ECSIT: variants seen among roughly 807,000 people sequenced by gnomAD.
The protein encoded by ECSIT is evolutionarily conserved signaling intermediate in Toll pathway, mitochondrial.
In ECSIT, 29 loss-of-function variants were observed where a neutral mutation model predicts 36.8. The ratio of observed to expected loss-of-function variants is 0.79; its 90% CI spans 0.59 to 1.08. ECSIT has a LOEUF of 1.08. ECSIT is among the 50% of genes least tolerant of loss of function. ECSIT has a pLI of 0.00. For synonymous variants in ECSIT, 231 were observed against 234.8 expected, an observed-to-expected ratio of 0.98 and a Z score of 0.15; for missense variants, 542 against 581.0, an observed-to-expected ratio of 0.93 and a Z score of 0.69.
intron 1 of ECSIT, among the ~76,000 whole-genome samples, chr19:11,527,937 T>G (rs1972248819): frequency 6.6e-6 from 1 of 152,092 alleles, no homozygotes; most frequent in Non-Finnish European, 1.5e-5. Context: ...GAGGCTGCAG[T>G]GAGCTATGGA....
chr19:11,524,626 G>A (rs10422292), intron 1 of ECSIT, among the ~76,000 whole-genome samples: 4,624 of 150,900 alleles, frequency 0.031, 214 homozygotes, highest in African/African-American at 0.099. Flanking sequence ...ACTTGAGCCC[G>A]GGAGATCAAG....
chr19:11,518,126 A>T (rs976912616), intron 2 of ECSIT, among the ~76,000 whole-genome samples: 4 of 143,744 alleles, frequency 2.8e-5, no homozygotes, highest in African/African-American at 1.0e-4. Flanking sequence ...CCATATACTT[A>T]AAAAAAAAAA....
At chr19:11,509,021 T>A (rs1335489898) in intron 4 of ECSIT, among the ~76,000 whole-genome samples, 1 of 152,158 alleles carries the variant, frequency 6.6e-6, no homozygotes, top group Non-Finnish European at 1.5e-5. Flanking sequence ...ATACCTTTTT[T>A]ATCTTTTAAA....
At chr19:11,512,976 TGA>T in intron 4 of ECSIT, 78 bp downstream of exon 4, 7 of 1,363,756 alleles carry the variant, frequency 5.1e-6, no homozygotes, top group Non-Finnish European at 7.3e-6. Context: ...ATCACTAGAG[TGA>T]GAGAAGGGGA....
intron 1 of ECSIT, among the ~76,000 whole-genome samples, chr19:11,521,005 C>T (rs1972091884): frequency 6.6e-6 from 1 of 152,078 alleles, no homozygotes; most frequent in South Asian, 2.1e-4. Flanking sequence ...AGGGTTTCAC[C>T]ATGTTGGCCA....
intron 4 of ECSIT, 49 bp from the exon 5 acceptor site, chr19:11,508,097 G>A (rs778549859): frequency 2.5e-6 from 4 of 1,602,976 alleles, no homozygotes; most frequent in Admixed American, 1.7e-5. Flanking sequence ...ATCCCCTACA[G>A]AGGAACTGGG....
intron 2 of ECSIT, chr19:11,516,437 T>C (rs1049204038): frequency 3.9e-5 from 6 of 152,034 alleles, no homozygotes; most frequent in African/African-American, 9.7e-5. Context: ...TGTGCTTTGA[T>C]TGCACCACCG....
intron 2 of ECSIT, among the ~76,000 whole-genome samples, chr19:11,515,575 G>A (rs1384617365): frequency 6.6e-6 from 1 of 151,950 alleles, no homozygotes; most frequent in East Asian, 1.9e-4. Flanking sequence ...TCCTGCCTCA[G>A]CCTCCCAAGT....
Position 11,506,239 on chromosome 19 carries a change from T to G in ECSIT, c.1241A>C (p.Glu414Ala), listed in dbSNP as rs1457969664. Reference sequence around the variant, plus strand: ...GTTGTCGTCTTCTTCCTGGTGGTCCTCGGGCAGGGGCGGCTCCTCCAGCCC... The same window carrying G: ...GTTGTCGTCTTCTTCCTGGTGGTCCGCGGGCAGGGGCGGCTCCTCCAGCCC... ...SAGLEEPPLP[E>A]DHQEEDDNLQ... is the part of the protein sequence containing the mutation. The change falls in exon 8 of 8, where the codon GAG becomes GCG. Residue 414 changes from glutamate to alanine, a missense_variant. Glu to Ala is a moderately radical substitution (Grantham distance 107, BLOSUM62 -1). Transcript: ENST00000270517. 1.9e-6 allele frequency: 3 copies of G among 1,609,688 alleles called. No individual in the cohort carries two copies. Among genetic ancestry groups the G allele is most frequent in the Non-Finnish European group, 1.7e-6 (2 of 1,179,874 alleles).
intron 1 of ECSIT, among the ~76,000 whole-genome samples, chr19:11,524,468 G>A (rs949256626): frequency 1.3e-5 from 2 of 151,998 alleles, no homozygotes; most frequent in South Asian, 4.2e-4. Context: ...TTTACAGTCA[G>A]CCGAGATTGC....
chr19:11,507,186 C>T (rs1457402974), intron 7 of ECSIT, among the ~76,000 whole-genome samples: 2 of 151,864 alleles, frequency 1.3e-5, no homozygotes, highest in Non-Finnish European at 1.5e-5. Flanking sequence ...AAGTGGACTG[C>T]GTCTCAGCCT....
At chr19:11,514,971 C>G (rs1971960089) in intron 2 of ECSIT, among the ~76,000 whole-genome samples, 1 of 151,290 alleles carries the variant, frequency 6.6e-6, no homozygotes, top group Admixed American at 6.6e-5. Flanking sequence ...CCCAAGTAAG[C>G]TGGACTACAG....
At chr19:11,520,414 C>T (rs1008018450) in intron 1 of ECSIT, among the ~76,000 whole-genome samples, 25 of 152,230 alleles carry the variant, frequency 1.6e-4, no homozygotes, top group Non-Finnish European at 2.9e-4. Flanking sequence ...TCAAGTGATC[C>T]GCCAGCCTCA....
intron 4 of ECSIT, among the ~76,000 whole-genome samples, chr19:11,511,757 G>A (rs118002989): frequency 1.3e-5 from 2 of 152,190 alleles, no homozygotes; most frequent in East Asian, 3.9e-4. Flanking sequence ...GGTCTTGGCC[G>A]GGCACAGTGG....
rs546110391 is a variant in ECSIT, at chr19:11,512,653, G to T, written c.738+403C>A. Among the ~76,000 whole-genome samples the T allele has an allele frequency of 5.3e-5, 8 of 152,140 alleles. No individual in the cohort carries two copies. In the East Asian group the frequency reaches 1.6e-3, roughly 30 times the overall value. On this transcript the variant is annotated intron_variant, in intron 4 of 7. Coordinates refer to ENST00000270517, the MANE Select transcript of ECSIT (RefSeq NM_016581.5). ...GCCAGAGAATCAGAACTCAATTCAC[G>T]GCCAGGCACAGTGCCTCATGCCTGT...
intron 1 of ECSIT, among the ~76,000 whole-genome samples, chr19:11,520,842 G>C (rs1972088602): frequency 6.7e-6 from 1 of 149,222 alleles, no homozygotes; most frequent in African/African-American, 2.5e-5. Flanking sequence ...TTTCATTCTT[G>C]TTGCCCAGGC....
At chr19:11,522,223 T>C in intron 1 of ECSIT, 1 of 574,776 alleles carries the variant, frequency 1.7e-6, no homozygotes, top group Non-Finnish European at 3.1e-6. Context: ...CGCTACAAAC[T>C]CCCAGAGCAG....
chr19:11,512,991 C>T lies in ECSIT; in HGVS notation c.738+65G>A, dbSNP rs1971901894. 2.7e-6 allele frequency: 4 copies of T among 1,494,756 alleles called. No individual in the cohort carries two copies. The Admixed American group carries it at 6.7e-5, about 25-fold the overall frequency. 92.6% of individuals were successfully genotyped at this position (1,494,756 alleles called of 1,614,324 possible). On this transcript the variant is annotated intron_variant, in intron 4 of 7. Transcript: ENST00000270517. ...ATCACTAGAGTGAGAGAAGGGGAGCCCAGGGGAGGAATGGCGGGAGCCTGG... is the reference window on the plus strand; with the variant it reads ...ATCACTAGAGTGAGAGAAGGGGAGCTCAGGGGAGGAATGGCGGGAGCCTGG...
chr19:11,520,375 T>C (rs532676439), intron 1 of ECSIT, among the ~76,000 whole-genome samples: 6 of 152,242 alleles, frequency 3.9e-5, no homozygotes, highest in Admixed American at 1.3e-4. Context: ...TTTTATCACG[T>C]TGGCCAGGCT....
Sources: allele counts gnomAD v4.1 joint callset (sites outside exome capture counted in the v4.1 genomes callset), GRCh38; gene constraint gnomAD v4.1.1; transcripts MANE v1.5; gene names NCBI Gene and HGNC (gene_info 2026-07-23, HGNC 2026-07-21).